The following COL25A1 variants were observed in gnomAD, a reference collection of about 807,000 sequenced individuals.
The protein encoded by COL25A1 is collagen type XXV alpha 1 chain, also known as collagen alpha-1(XXV) chain.
A neutral mutation model predicts 128.4 loss-of-function variants in COL25A1; 103 were observed. The observed-to-expected ratio is 0.80, with a 90% CI of 0.68 to 0.94. COL25A1 has a LOEUF of 0.94. COL25A1 is among the 40% of genes least tolerant of loss of function. The pLI is 0.00. For synonymous variants in COL25A1, 279 were observed against 277.2 expected (o/e 1.01, Z -0.06); for missense variants, 745 against 840.0 (o/e 0.89, Z 1.40).
intron 3 of COL25A1, among the ~76,000 whole-genome samples, chr4:109,088,152 A>C (rs1226307723): frequency 6.6e-6 from 1 of 152,020 alleles, no homozygotes; most frequent in African/African-American, 2.4e-5. Flanking sequence ...ATGCTTTTTA[A>C]GTTTTAATTT....
chr4:109,211,308 A>ATGAAAC (rs201120918), intron 3 of COL25A1, among the ~76,000 whole-genome samples: 1 of 58,054 alleles, frequency 1.7e-5, no homozygotes, highest in African/African-American at 1.2e-4. Context: ...ATATATATAT[A>ATGAAAC]TATATATATA....
At chr4:108,849,682 C>T (rs1381666202) in intron 26 of COL25A1, among the ~76,000 whole-genome samples, 2 of 152,152 alleles carry the variant, frequency 1.3e-5, no homozygotes, top group African/African-American at 4.8e-5. Flanking sequence ...CCCTGAATCC[C>T]ACACTGTGGA....
intron 3 of COL25A1, among the ~76,000 whole-genome samples, chr4:109,183,214 C>T (rs2526451): frequency 7.9e-5 from 12 of 151,846 alleles, no homozygotes; most frequent in Admixed American, 2.6e-4. Context: ...ACCCAACCAG[C>T]ATCTCCACCA....
At chr4:109,065,655 G>T (rs1031573822) in intron 3 of COL25A1, among the ~76,000 whole-genome samples, 5 of 150,156 alleles carry the variant, frequency 3.3e-5, no homozygotes, top group Non-Finnish European at 5.9e-5. Flanking sequence ...TATTCCATTG[G>T]ATGAAACAAC....
At chr4:109,245,982 T>C (rs62324358) in intron 3 of COL25A1, among the ~76,000 whole-genome samples, 43,697 of 133,880 alleles carry the variant, frequency 0.33, 6,826 homozygotes, top group Middle Eastern at 0.46. Context: ...AGTTTTTCAG[T>C]AGAGGAACCT....
chr4:108,920,733 G>GA (rs5860955), intron 11 of COL25A1, 129 bp from the exon 12 acceptor site: 296,047 of 431,112 alleles, frequency 0.69, 99,304 homozygotes, highest in East Asian at 0.88. Context: ...CATATATCAG[G>GA]AAAAAAAAAG....
Position 108,938,030 on chromosome 4 carries a change from T to C in COL25A1, c.673-187A>G, listed in dbSNP as rs183959144. 4.4e-3 allele frequency among the ~76,000 whole-genome samples: 671 copies of C among 152,258 alleles called. 5 individuals are homozygous for C. The highest frequency in any genetic ancestry group is 7.4e-3 in the Non-Finnish European group (504 of 68,018). The stretch of plus-strand genomic sequence containing the variant: ...ACAAATAAACTTTACAAATTTAGGG[T>C]TTAATAAAATTAGTCTAGATTATCA... On this transcript the variant is annotated intron_variant, in intron 10 of 37. Coordinates refer to ENST00000399132, the MANE Select transcript of COL25A1 (RefSeq NM_198721.4).
chr4:109,225,149 T>G (rs1308631193), intron 3 of COL25A1, among the ~76,000 whole-genome samples: 1 of 152,140 alleles, frequency 6.6e-6, no homozygotes, highest in Non-Finnish European at 1.5e-5. Flanking sequence ...CCAATTAAAT[T>G]ATCACTTCAG....
chr4:108,960,196 A>T (rs1482525005), intron 8 of COL25A1, among the ~76,000 whole-genome samples: 2 of 74,746 alleles, frequency 2.7e-5, no homozygotes, highest in African/African-American at 3.7e-5. Flanking sequence ...TAACACAAAC[A>T]GTAGTTATCC....
intron 3 of COL25A1, among the ~76,000 whole-genome samples, chr4:109,241,225 G>A (rs1399318069): frequency 6.6e-6 from 1 of 151,954 alleles, no homozygotes; most frequent in African/African-American, 2.4e-5. Context: ...TCTCTAAGGT[G>A]TCTTTTAATT....
At chr4:108,921,617 G>A (rs1019454433) in intron 11 of COL25A1, among the ~76,000 whole-genome samples, 5 of 152,124 alleles carry the variant, frequency 3.3e-5, no homozygotes, top group African/African-American at 1.2e-4. Flanking sequence ...ACACTAGAGT[G>A]GTTGTCAGAA....
Position 108,846,232 on chromosome 4 carries a change from G to A in COL25A1, c.1435-13C>T. On this transcript the variant is annotated splice_polypyrimidine_tract_variant and intron_variant, in intron 27 of 37. Transcript: ENST00000399132. ...AGCCTTTGAGTCCCTAAAAATGATA[G>A]ACAAGGTTGGCATGTAAGCAGCATA... is the stretch of plus-strand genomic sequence containing the variant. 6.4e-7 allele frequency: 1 copy of A among 1,558,498 alleles called. No homozygotes were observed. Among genetic ancestry groups the A allele is most frequent in the Non-Finnish European group, 8.9e-7 (1 of 1,129,524 alleles).
intron 3 of COL25A1, among the ~76,000 whole-genome samples, chr4:109,222,705 A>C (rs1778512978): frequency 6.6e-6 from 1 of 152,188 alleles, no homozygotes; most frequent in African/African-American, 2.4e-5. Context: ...TGTTGTCTTT[A>C]CAGCTAGAAA....
Position 109,057,421 on chromosome 4 carries a change from A to ATTTTTTTTTTTTTT in COL25A1, c.368-7256_368-7243dup, listed in dbSNP as rs776941019. 6.8e-3 allele frequency among the ~76,000 whole-genome samples: 138 copies of ATTTTTTTTTTTTTT among 20,252 alleles called. 9 individuals carry two copies. Among genetic ancestry groups the ATTTTTTTTTTTTTT allele is most frequent in the East Asian group, 9.5e-3 (4 of 422 alleles). 13.3% of individuals were successfully genotyped at this position (20,252 alleles called of 152,430 possible). ...TAGCTGGGACCACCATGCCTAGCTA[A>ATTTTTTTTTTTTTT]TTTTTTTTTTTTTTTTTTTTTTTTT... On this transcript the variant is annotated intron_variant, in intron 3 of 37. Coordinates refer to ENST00000399132, the MANE Select transcript of COL25A1 (RefSeq NM_198721.4).
chr4:108,887,171 A>G lies in COL25A1; in HGVS notation c.975+2050T>C, dbSNP rs187352969. Among the ~76,000 whole-genome samples, 77 of 152,294 alleles carry G rather than the reference A, an allele frequency of 5.1e-4. No individual in the cohort carries two copies. In the East Asian group the frequency reaches 6.4e-3, roughly 13 times the overall value. ...TCCTACATTATGAATATAACTCTAG[A>G]TCTCAAACTCTCATGCTGAAAAAGA... On this transcript the variant is annotated intron_variant, in intron 18 of 37. Coordinates refer to ENST00000399132, the MANE Select transcript of COL25A1 (RefSeq NM_198721.4).
At chr4:109,016,609 C>G (rs529425401) in intron 5 of COL25A1, among the ~76,000 whole-genome samples, 1 of 152,300 alleles carries the variant, frequency 6.6e-6, no homozygotes, top group Non-Finnish European at 1.5e-5. Context: ...CTCAAACAGA[C>G]TCACACAGAC....
intron 14 of COL25A1, among the ~76,000 whole-genome samples, chr4:108,899,708 T>C (rs1031674640): frequency 1.2e-4 from 19 of 152,106 alleles, no homozygotes; most frequent in Non-Finnish European, 2.4e-4. Flanking sequence ...TGTCATAAAC[T>C]CTCTTTAGCT....
chr4:109,124,695 A>G (rs1319620374), intron 3 of COL25A1, among the ~76,000 whole-genome samples: 2 of 151,962 alleles, frequency 1.3e-5, no homozygotes, highest in East Asian at 1.9e-4. Flanking sequence ...TCCATCTCTC[A>G]CCTTAAATTG....
intron 3 of COL25A1, among the ~76,000 whole-genome samples, chr4:109,220,984 T>C (rs923295566): frequency 2.6e-5 from 4 of 152,106 alleles, no homozygotes; most frequent in Admixed American, 1.3e-4. Flanking sequence ...GGAAACTGAA[T>C]GTGAGGGTAA....
Sources: gnomAD v4.1 joint callset for allele counts (sites outside exome capture counted in the v4.1 genomes callset) on GRCh38, gnomAD v4.1.1 for gene constraint, MANE v1.5 for transcripts, NCBI Gene and HGNC (gene_info 2026-07-23, HGNC 2026-07-21) for gene names.